The following IMPA1 variants were observed in gnomAD, a reference collection of about 807,000 sequenced individuals.
IMPA1 encodes inositol monophosphatase 1, also known as D-galactose 1-phosphate phosphatase.
Under a neutral mutation model 34.9 loss-of-function variants are expected in IMPA1, and 21 were observed. The observed-to-expected ratio is 0.60, with a 90% CI of 0.43 to 0.87. The LOEUF (loss-of-function observed/expected upper bound fraction) is 0.87, where lower values mean the gene tolerates loss of function less well. Ranked by LOEUF, IMPA1 falls within the 40% of genes least tolerant of loss-of-function variation. The probability of loss-of-function intolerance (pLI) is 0.00; values close to 1 mark genes in which losing one functional copy is unlikely to be tolerated. For missense variants in IMPA1, 299 were observed against 336.4 expected (o/e 0.89, Z 0.87); for synonymous variants, 95 against 104.4 (o/e 0.91, Z 0.55).
chr8:81,676,873 G>A (rs1221687830), intron 4 of IMPA1, among the ~76,000 whole-genome samples: 1 of 152,000 alleles, frequency 6.6e-6, no homozygotes, highest in African/African-American at 2.4e-5. Context: ...CACGCCTATA[G>A]TCCAAGCTTC....
At chr8:81,671,606 C>T (rs1280642153) in intron 6 of IMPA1, among the ~76,000 whole-genome samples, 3 of 152,058 alleles carry the variant, frequency 2.0e-5, no homozygotes, top group South Asian at 2.1e-4. Flanking sequence ...TTAATAGTTA[C>T]GTAATTTAGG....
At chr8:81,669,670 C>T (rs982297121) in intron 7 of IMPA1, among the ~76,000 whole-genome samples, 2 of 152,112 alleles carry the variant, frequency 1.3e-5, no homozygotes, top group African/African-American at 4.8e-5. Flanking sequence ...CTTTTAAGTT[C>T]ATGATAGAAC....
intron 6 of IMPA1, 101 bp from the exon 7 acceptor site, chr8:81,671,148 G>A (rs991151357): frequency 6.9e-5 from 36 of 523,956 alleles, no homozygotes; most frequent in Middle Eastern, 3.7e-4. Context: ...TTGTTTTATC[G>A]TGTTTCTTTA....
Position 81,661,715 on chromosome 8 carries a change from T to G in IMPA1, c.567-1048A>C, listed in dbSNP as rs192215350. Among the ~76,000 whole-genome samples, 307 of 152,316 alleles carry G rather than the reference T, an allele frequency of 2.0e-3. 2 individuals are homozygous for G. Among genetic ancestry groups the G allele is most frequent in the Admixed American group, 0.015 (230 of 15,306 alleles). ...TTCAAAATTTGAATAAAGTCTTATATTAGATTATGTATCCATGTTAATTCC... is the reference window on the plus strand; with the variant it reads ...TTCAAAATTTGAATAAAGTCTTATAGTAGATTATGTATCCATGTTAATTCC... On this transcript the variant is annotated intron_variant, in intron 7 of 8. Transcript: ENST00000256108.
chr8:81,663,179 T>C (rs1401151835), intron 7 of IMPA1, among the ~76,000 whole-genome samples: 2 of 152,182 alleles, frequency 1.3e-5, no homozygotes, highest in African/African-American at 4.8e-5. Flanking sequence ...AAGGTTAAAG[T>C]TGTAAACCTC....
Position 81,684,557 on chromosome 8 carries a change from AC to A in IMPA1, c.-25+1694del, listed in dbSNP as rs1563592484. Among the ~76,000 whole-genome samples, 982 of 109,894 alleles carry A rather than the reference AC, an allele frequency of 8.9e-3. 96 individuals carry two copies. Among genetic ancestry groups the A allele is most frequent in the Non-Finnish European group, 0.011 (579 of 54,896 alleles). The allele number at this position is 109,894 out of a possible 152,430, so 72.1% of individuals were successfully genotyped here. ...ATACTACACATAAGTATCTTTAGAT[AC>A]TAATGTGTAGTATATATACTACACA... On this transcript the variant is annotated intron_variant, in intron 1 of 8. Transcript: ENST00000256108.
intron 4 of IMPA1, among the ~76,000 whole-genome samples, chr8:81,676,983 C>T (rs1308879301): frequency 1.3e-5 from 2 of 152,038 alleles, no homozygotes; most frequent in African/African-American, 4.8e-5. Flanking sequence ...GACAGAGATG[C>T]TGTCCCCCTT....
chr8:81,673,692 T>A, intron 6 of IMPA1, 149 bp downstream of exon 6: 1 of 588,866 alleles, frequency 1.7e-6, no homozygotes, highest in Non-Finnish European at 3.0e-6. Context: ...CCATTCCACA[T>A]TCAAAGCTGA....
At position 81,657,431 on chromosome 8, in the gene IMPA1, A is replaced by G. The variant is rs1043853133; in HGVS notation, c.*1920T>C. On this transcript the variant is annotated 3_prime_UTR_variant, in exon 9 of 9. Transcript: ENST00000256108. Reference sequence around the variant, plus strand: ...ATTCTGTCTCTACAAAAACTAAAAAATTAGCCAGGCATGGTGGCATGTGCC... The same window carrying G: ...ATTCTGTCTCTACAAAAACTAAAAAGTTAGCCAGGCATGGTGGCATGTGCC... 3.3e-5 allele frequency among the ~76,000 whole-genome samples: 5 copies of G among 152,096 alleles called. No individual in the cohort carries two copies. Among genetic ancestry groups the G allele is most frequent in the Non-Finnish European group, 5.9e-5 (4 of 68,012 alleles).
rs1434947328 is a variant in IMPA1 at position 81,658,554 on chromosome 8, T to C, written c.*797A>G. The C allele has an allele frequency of 6.6e-6, 1 of 152,618 alleles. No homozygotes were observed. Among genetic ancestry groups the C allele is most frequent in the Non-Finnish European group, 1.5e-5 (1 of 68,008 alleles). 9.5% of individuals were successfully genotyped at this position (152,618 alleles called of 1,614,324 possible). On this transcript the variant is annotated 3_prime_UTR_variant, in exon 9 of 9. Transcript: ENST00000256108. The stretch of plus-strand genomic sequence containing the variant: ...TTTATTATAGAAATAGTTTCTTCTC[T>C]CTTACACAAGACTTTAAAGCAAATC...
chr8:81,681,375 G>C (rs1807295094), intron 2 of IMPA1, 123 bp downstream of exon 2: 3 of 639,872 alleles, frequency 4.7e-6, no homozygotes, highest in Non-Finnish European at 8.3e-6. Flanking sequence ...TTCCAGCTTG[G>C]GTGACAAGCA....
At chr8:81,666,855 G>A (rs560513620) in intron 7 of IMPA1, among the ~76,000 whole-genome samples, 1 of 127,034 alleles carries the variant, frequency 7.9e-6, no homozygotes, top group South Asian at 2.6e-4. Flanking sequence ...GGGTGACAGA[G>A]GGAGACTCTG....
intron 8 of IMPA1, among the ~76,000 whole-genome samples, chr8:81,659,747 T>G (rs538362310): frequency 2.0e-5 from 3 of 152,336 alleles, no homozygotes; most frequent in Non-Finnish European, 2.9e-5. Flanking sequence ...TAAGAATCTA[T>G]GGACAGAAAA....
chr8:81,659,377 G>T lies in IMPA1; in HGVS notation c.808C>A (p.Pro270Thr), dbSNP rs1277601001. ...ERIAKEIQVI[P>T]LQRDDED ...TAATCTTCGTCGTCTCGTTGCAAAG[G>T]TATAACCTGAATTTCTTTAGCTATC... Residue 270 changes from proline to threonine, a missense_variant, in exon 9 of 9, where the codon CCT (proline) becomes ACT (threonine). By Grantham distance (38) the Pro-to-Thr change is conservative (BLOSUM62 -1). Coordinates refer to ENST00000256108, the MANE Select transcript of IMPA1 (RefSeq NM_005536.4). 10 of 1,607,186 alleles carry T rather than the reference G, an allele frequency of 6.2e-6. No homozygotes were observed. Among genetic ancestry groups the T allele is most frequent in the Non-Finnish European group, 8.5e-6 (10 of 1,174,070 alleles).
intron 7 of IMPA1, 150 bp from the exon 8 acceptor site, chr8:81,660,817 A>G: frequency 2.1e-6 from 1 of 476,576 alleles, no homozygotes; most frequent in Non-Finnish European, 3.7e-6. Context: ...TTGTAAAATA[A>G]AAATATGTAT....
intron 1 of IMPA1, among the ~76,000 whole-genome samples, chr8:81,684,725 ATG>A (rs1464822960): frequency 6.9e-6 from 1 of 143,930 alleles, no homozygotes; most frequent in African/African-American, 2.5e-5. Context: ...TTTAGATACT[ATG>A]TGGAGTATAT....
Position 81,658,018 on chromosome 8 carries a change from T to A in IMPA1, c.*1333A>T, listed in dbSNP as rs559118254. On this transcript the variant is annotated 3_prime_UTR_variant, in exon 9 of 9. Coordinates refer to ENST00000256108, the MANE Select transcript of IMPA1 (RefSeq NM_005536.4). ...ATTTAATTGCAAAAACAACCTGTCTTAGAATACAGTATCAGATGTTTTAAG... is the reference window on the plus strand; with the variant it reads ...ATTTAATTGCAAAAACAACCTGTCTAAGAATACAGTATCAGATGTTTTAAG... 1.3e-5 allele frequency: 2 copies of A among 152,308 alleles called. No individual in the cohort carries two copies. The highest frequency in any genetic ancestry group is 1.3e-4 in the Admixed American group (2 of 15,284). 9.4% of individuals were successfully genotyped at this position (152,308 alleles called of 1,614,324 possible).
chr8:81,676,463 A>G (rs1263052897), intron 4 of IMPA1, among the ~76,000 whole-genome samples, 184 bp from the exon 5 acceptor site: 3 of 152,164 alleles, frequency 2.0e-5, no homozygotes, highest in African/African-American at 7.2e-5. Context: ...AATAGGATAA[A>G]GTGGAGGTAT....
chr8:81,667,733 C>CTGAG (rs58550159), intron 7 of IMPA1, among the ~76,000 whole-genome samples: 19,066 of 151,844 alleles, frequency 0.13, 2,019 homozygotes, highest in East Asian at 0.57. Flanking sequence ...TCAGATAAAA[C>CTGAG]TGAGGAACAA....
Sources: gnomAD v4.1 joint callset for allele counts (sites outside exome capture counted in the v4.1 genomes callset) on GRCh38, gnomAD v4.1.1 for gene constraint, MANE v1.5 for transcripts, NCBI Gene and HGNC (gene_info 2026-07-23, HGNC 2026-07-21) for gene names.